ARID1B: variants seen among roughly 807,000 people sequenced by gnomAD.
ARID1B encodes AT-rich interactive domain-containing protein 1B.
In ARID1B, 30 loss-of-function variants were observed where a neutral mutation model predicts 212.3. The ratio of observed to expected loss-of-function variants is 0.14; its 90% confidence interval spans 0.11 to 0.19. The LOEUF is 0.19. Among genes scored for constraint, ARID1B ranks in the 10% least tolerant of loss-of-function variants. The pLI, the probability that ARID1B is intolerant of heterozygous loss-of-function variation, is 1.00. For missense variants in ARID1B, 2,891 were observed against 3,204.0 expected, an observed-to-expected ratio of 0.90 and a Z score of 2.36; for synonymous variants, 1,402 against 1,301.7, an observed-to-expected ratio of 1.08 and a Z score of -1.66.
intron 4 of ARID1B, among the ~76,000 whole-genome samples, chr6:157,026,828 A>G (rs1583173065): frequency 6.6e-6 from 1 of 152,296 alleles, no homozygotes; most frequent in East Asian, 1.9e-4. Context: ...TAGAAGATGC[A>G]CTTTTTAAAG....
At chr6:157,015,188 T>C (rs17088035) in intron 4 of ARID1B, among the ~76,000 whole-genome samples, 1,669 of 152,214 alleles carry the variant, frequency 0.011, 25 homozygotes, top group African/African-American at 0.038. Context: ...GATGGAGATA[T>C]AAAGAAACAC....
chr6:156,857,641 C>A (rs62435825), intron 2 of ARID1B, among the ~76,000 whole-genome samples: 7,796 of 152,246 alleles, frequency 0.051, 255 homozygotes, highest in Middle Eastern at 0.11. Flanking sequence ...CTTAAGGAAA[C>A]AAAGAGGCAA....
intron 15 of ARID1B, chr6:157,194,979 C>T (rs960422826): frequency 6.6e-6 from 1 of 152,134 alleles, no homozygotes; most frequent in African/African-American, 2.4e-5. Context: ...CCTCTTATCA[C>T]TAGGTGATAC....
chr6:157,204,120 AGTT>A (rs1484025919), intron 19 of ARID1B, 124 bp downstream of exon 19: 2 of 1,254,982 alleles, frequency 1.6e-6, no homozygotes, highest in African/African-American at 1.5e-5. Context: ...TAATCACTGC[AGTT>A]GTTATCAACC....
chr6:157,100,693 T>C (rs1313211839), intron 5 of ARID1B, among the ~76,000 whole-genome samples: 1 of 152,226 alleles, frequency 6.6e-6, no homozygotes, highest in Non-Finnish European at 1.5e-5. Flanking sequence ...CATGAAATCC[T>C]TGTGCTGTGT....
At chr6:156,952,290 C>G (rs1253836918) in intron 4 of ARID1B, among the ~76,000 whole-genome samples, 1 of 152,196 alleles carries the variant, frequency 6.6e-6, no homozygotes, top group Non-Finnish European at 1.5e-5. Flanking sequence ...TTTTACAGAA[C>G]ATGCATGCCA....
At chr6:157,096,856 C>T (rs1008709083) in intron 5 of ARID1B, among the ~76,000 whole-genome samples, 1 of 152,232 alleles carries the variant, frequency 6.6e-6, no homozygotes, top group African/African-American at 2.4e-5. Flanking sequence ...CTCTATATCT[C>T]TTGAAAAAGC....
chr6:157,103,279 G>T (rs1323150582), intron 5 of ARID1B, among the ~76,000 whole-genome samples: 1 of 151,954 alleles, frequency 6.6e-6, no homozygotes, highest in Non-Finnish European at 1.5e-5. Context: ...TTATTGAATG[G>T]TTACTATATG....
At chr6:157,030,940 G>A (rs17088047) in intron 4 of ARID1B, among the ~76,000 whole-genome samples, 3 of 151,882 alleles carry the variant, frequency 2.0e-5, no homozygotes, top group East Asian at 1.9e-4. Context: ...GCTGGCTAAC[G>A]GTGCACTGAG....
intron 9 of ARID1B, among the ~76,000 whole-genome samples, chr6:157,172,607 G>A (rs1173902695): frequency 6.6e-6 from 1 of 152,094 alleles, no homozygotes. Context: ...TTTTTTGGCA[G>A]GACCTGTGGT....
At chr6:156,917,547 T>C (rs187809110) in intron 3 of ARID1B, among the ~76,000 whole-genome samples, 2 of 152,304 alleles carry the variant, frequency 1.3e-5, no homozygotes, top group Admixed American at 6.5e-5. Context: ...AGGAAGACTT[T>C]GCTGGTGAGA....
intron 4 of ARID1B, among the ~76,000 whole-genome samples, chr6:157,012,512 T>TTA (rs1779675827): frequency 6.6e-6 from 1 of 152,222 alleles, no homozygotes; most frequent in Non-Finnish European, 1.5e-5. Context: ...GGAGGCTAAC[T>TTA]GGAGGCTGCC....
intron 7 of ARID1B, among the ~76,000 whole-genome samples, chr6:157,143,439 G>GGC (rs202057936): frequency 3.3e-5 from 5 of 150,350 alleles, no homozygotes; most frequent in Non-Finnish European, 7.4e-5. Context: ...CGAGTAGTTG[G>GGC]GGGGGGCATG....
rs1794138238 is a variant in ARID1B at position 157,201,845 on chromosome 6, T to A, written c.5263+357T>A. 6.6e-6 allele frequency among the ~76,000 whole-genome samples: 1 copy of A among 152,076 alleles called. No individual in the cohort carries two copies. The highest frequency in any genetic ancestry group is 1.5e-5 in the Non-Finnish European group (1 of 68,036). The stretch of plus-strand genomic sequence containing the variant: ...TTGTGTGAAAGATTAGAGCTTCAAG[T>A]AAGAGATCAGGGAATCCTGAGTGGT... On this transcript the variant is annotated intron_variant, in intron 18 of 19. Coordinates refer to ENST00000636930, the MANE Select transcript of ARID1B (RefSeq NM_001374828.1). This position sits in a 1 kb window ranked among gnomAD's most constrained non-coding sequence, Gnocchi z 5.2.
At chr6:157,123,223 T>TCC (rs1192105217) in intron 6 of ARID1B, among the ~76,000 whole-genome samples, 8 of 23,912 alleles carry the variant, frequency 3.3e-4, no homozygotes, top group East Asian at 2.2e-3. Flanking sequence ...TTTCTTTCTC[T>TCC]CCCCCCCGCC....
At position 157,013,645 on chromosome 6, in the gene ARID1B, A is replaced by G. The variant is rs777798143; in HGVS notation, c.2248-71017A>G. On this transcript the variant is annotated intron_variant, in intron 4 of 19. Transcript: ENST00000636930. ...CTGGTATCCAACACTCACATTAAAC[A>G]CCACAGGAAGATTTTGGTTGAATGT... Among the ~76,000 whole-genome samples the G allele has an allele frequency of 4.9e-4, 74 of 152,310 alleles. 1 individual carries two copies. The highest frequency in any genetic ancestry group is 1.0e-4 in the Non-Finnish European group (7 of 68,024).
chr6:157,144,903 T>G (rs185435247), intron 7 of ARID1B, among the ~76,000 whole-genome samples: 1 of 152,326 alleles, frequency 6.6e-6, no homozygotes, highest in African/African-American at 2.4e-5. Context: ...GAAAACAAAG[T>G]TTTGATGGTA....
chr6:156,800,606 A>G (rs1780709378), intron 1 of ARID1B, among the ~76,000 whole-genome samples: 1 of 152,132 alleles, frequency 6.6e-6, no homozygotes, highest in South Asian at 2.1e-4. Flanking sequence ...AAAAAAGCAA[A>G]TAAAATAAAT....
intron 4 of ARID1B, among the ~76,000 whole-genome samples, chr6:156,947,229 C>T (rs551423093): frequency 2.0e-4 from 30 of 152,234 alleles, no homozygotes; most frequent in Non-Finnish European, 1.5e-5. Flanking sequence ...AGGTTCCTTT[C>T]CTTGGGTAAA....
Sources: gnomAD v4.1 joint callset for allele counts (sites outside exome capture counted in the v4.1 genomes callset) on GRCh38, gnomAD v4.1.1 for gene constraint, Gnocchi (gnomAD v3.1) non-coding constraint, MANE v1.5 for transcripts, NCBI Gene and HGNC (gene_info 2026-07-23, HGNC 2026-07-21) for gene names.